The following ANXA4 variants were observed in gnomAD, a reference collection of about 807,000 sequenced individuals.
ANXA4 encodes annexin A4.
ANXA4 carries 39 observed loss-of-function variants against 49.8 expected under a neutral mutation model. That is an observed-to-expected ratio of 0.78 (90% CI 0.61 to 1.02). The LOEUF (loss-of-function observed/expected upper bound fraction) is 1.02, where lower values mean the gene tolerates loss of function less well. Among genes scored for constraint, ANXA4 ranks in the 50% least tolerant of loss-of-function variants. The probability of loss-of-function intolerance (pLI) is 0.00; values close to 1 mark genes in which losing one functional copy is unlikely to be tolerated. For synonymous variants in ANXA4, 134 were observed against 152.5 expected, an observed-to-expected ratio of 0.88 and a Z score of 0.89; for missense variants, 360 against 410.1, an observed-to-expected ratio of 0.88 and a Z score of 1.05.
chr2:69,733,583 G>A (rs895706888), intron 3 of ANXA4, among the ~76,000 whole-genome samples: 8 of 150,854 alleles, frequency 5.3e-5, no homozygotes, highest in African/African-American at 2.0e-4. Context: ...CTGCACTCCA[G>A]CCTGGGTGAC....
chr2:69,683,064 A>T (rs771452319), intron 2 of ANXA4, among the ~76,000 whole-genome samples: 1 of 152,242 alleles, frequency 6.6e-6, no homozygotes, highest in Non-Finnish European at 1.5e-5. Context: ...TCTTTTAATT[A>T]AGTGTTTATA....
intron 1 of ANXA4, among the ~76,000 whole-genome samples, chr2:69,759,925 T>C (rs1232026076): frequency 1.3e-5 from 2 of 152,080 alleles, no homozygotes; most frequent in African/African-American, 4.8e-5. Context: ...CTCCACCTCC[T>C]GGGTTCACGC....
chr2:69,761,530 C>G (rs1671287545), intron 1 of ANXA4, among the ~76,000 whole-genome samples: 1 of 145,226 alleles, frequency 6.9e-6, no homozygotes, highest in Non-Finnish European at 1.5e-5. Context: ...AATTCACGAA[C>G]TCTCTTGTCA....
chr2:69,806,584 A>T, intron 5 of ANXA4, 86 bp downstream of exon 5: 1 of 1,096,156 alleles, frequency 9.1e-7, no homozygotes, highest in Non-Finnish European at 1.4e-6. Flanking sequence ...AATAAGAAAG[A>T]CATGGAAGCA....
At chr2:69,761,959 G>A (rs1179100093) in intron 1 of ANXA4, among the ~76,000 whole-genome samples, 1 of 152,102 alleles carries the variant, frequency 6.6e-6, no homozygotes, top group Non-Finnish European at 1.5e-5. Flanking sequence ...GCACCAACTA[G>A]ATTAGTGATT....
upstream of ANXA4, chr2:69,644,367 G>A (rs1675915526): frequency 6.6e-6 from 1 of 152,194 alleles, no homozygotes; most frequent in Non-Finnish European, 1.5e-5. Context: ...GAAGCGAGAA[G>A]TGATCGGGAA....
intron 1 of ANXA4, among the ~76,000 whole-genome samples, chr2:69,748,801 C>T (rs1286314571): frequency 6.6e-6 from 1 of 151,528 alleles, no homozygotes; most frequent in African/African-American, 2.4e-5. Context: ...CCCTCGACCT[C>T]CCAAGCTCAG....
intron 2 of ANXA4, among the ~76,000 whole-genome samples, chr2:69,787,077 G>T (rs1248642702): frequency 6.6e-6 from 1 of 152,082 alleles, no homozygotes; most frequent in Non-Finnish European, 1.5e-5. Flanking sequence ...GTGTGATTTT[G>T]AAGCAAACCC....
intron 3 of ANXA4, 25 bp from the exon 4 acceptor site, chr2:69,804,508 C>G (rs773202267): frequency 6.3e-7 from 1 of 1,596,076 alleles, no homozygotes; most frequent in African/African-American, 1.3e-5. Flanking sequence ...ATCACACTTA[C>G]CTGCTGTCTC....
intron 3 of ANXA4, among the ~76,000 whole-genome samples, chr2:69,736,499 T>C (rs1670248421): frequency 6.6e-6 from 1 of 152,230 alleles, no homozygotes; most frequent in Admixed American, 6.5e-5. Context: ...AGCTGTACTC[T>C]ATAGTTAAGA....
intron 2 of ANXA4, among the ~76,000 whole-genome samples, chr2:69,785,147 T>C (rs969128423): frequency 2.0e-5 from 3 of 152,186 alleles, no homozygotes; most frequent in Admixed American, 1.3e-4. Flanking sequence ...AAGTGCCAAA[T>C]GCTTACCATA....
intron 1 of ANXA4, among the ~76,000 whole-genome samples, chr2:69,648,417 A>G (rs1450688066): frequency 6.6e-6 from 1 of 152,240 alleles, no homozygotes; most frequent in African/African-American, 2.4e-5. Context: ...AGGGAGGGGC[A>G]GAGGCAGCAG....
At chr2:69,750,753 C>T (rs145063674) in intron 1 of ANXA4, among the ~76,000 whole-genome samples, 1 of 152,158 alleles carries the variant, frequency 6.6e-6, no homozygotes, top group African/African-American at 2.4e-5. Flanking sequence ...TCCAGTGTGT[C>T]TTTAGCTGCA....
At chr2:69,756,213 G>T (rs1424419871) in intron 1 of ANXA4, among the ~76,000 whole-genome samples, 2 of 152,200 alleles carry the variant, frequency 1.3e-5, no homozygotes, top group African/African-American at 2.4e-5. Flanking sequence ...CAGTCACTTG[G>T]AAGCTACCAG....
intron 1 of ANXA4, among the ~76,000 whole-genome samples, chr2:69,777,498 ATTG>A (rs1672006978): frequency 6.6e-6 from 1 of 152,116 alleles, no homozygotes; most frequent in Admixed American, 6.5e-5. Context: ...TTTCACCCTT[ATTG>A]TTCTTATCGC....
chr2:69,708,293 G>T (rs190780367), intron 2 of ANXA4, among the ~76,000 whole-genome samples: 144 of 152,180 alleles, frequency 9.5e-4, no homozygotes, highest in African/African-American at 3.2e-3. Flanking sequence ...AAACGTGATC[G>T]CAATGAGCTC....
upstream of ANXA4, among the ~76,000 whole-genome samples, chr2:69,737,794 G>A (rs371521503): frequency 2.0e-5 from 3 of 152,132 alleles, no homozygotes; most frequent in East Asian, 3.9e-4. Flanking sequence ...TCTCAGAGAA[G>A]ATCAATAATA....
At chr2:69,671,599 T>A (rs1188544999) in intron 2 of ANXA4, among the ~76,000 whole-genome samples, 1 of 152,160 alleles carries the variant, frequency 6.6e-6, no homozygotes, top group Non-Finnish European at 1.5e-5. Flanking sequence ...GGCGCATGCC[T>A]GTAATTTCAG....
At chr2:69,656,249 A>G (rs1167264641) in intron 2 of ANXA4, among the ~76,000 whole-genome samples, 1 of 133,836 alleles carries the variant, frequency 7.5e-6, no homozygotes, top group African/African-American at 2.8e-5. Context: ...ACGTATATAT[A>G]TGTATATACG....
Sources: allele counts gnomAD v4.1 joint callset (sites outside exome capture counted in the v4.1 genomes callset), GRCh38; gene constraint gnomAD v4.1.1; transcripts MANE v1.5; gene names NCBI Gene and HGNC (gene_info 2026-07-23, HGNC 2026-07-21).